The following SLC9B1 variants were observed in gnomAD, a reference collection of about 807,000 sequenced individuals.
SLC9B1 encodes sodium/hydrogen exchanger 9B1.
Under a neutral mutation model 51.7 loss-of-function variants are expected in SLC9B1, and 32 were observed. That is an observed-to-expected ratio of 0.62 (90% confidence interval 0.47 to 0.83). The LOEUF is 0.83. SLC9B1 is among the 40% of genes least tolerant of loss of function. The probability of loss-of-function intolerance (pLI) is 0.00; values close to 1 mark genes in which losing one functional copy is unlikely to be tolerated. For synonymous variants in SLC9B1, 145 were observed against 212.7 expected (o/e 0.68, Z 2.77); for missense variants, 406 against 613.2 (o/e 0.66, Z 3.57).
At chr4:102,906,030 G>C (rs1215130143) in intron 10 of SLC9B1, among the ~76,000 whole-genome samples, 1 of 152,044 alleles carries the variant, frequency 6.6e-6, no homozygotes, top group East Asian at 1.9e-4. Context: ...CCGACTCCCG[G>C]GTTCACGCGA....
intron 1 of SLC9B1, among the ~76,000 whole-genome samples, chr4:103,005,261 TAAAAA>T (rs111991015): frequency 7.4e-6 from 1 of 135,610 alleles, no homozygotes; most frequent in African/African-American, 2.6e-5. Flanking sequence ...CCAAGCAAAT[TAAAAA>T]AAAAAAAAAA....
At position 102,906,532 on chromosome 4, in the gene SLC9B1, T is replaced by C. The variant is rs778117260; in HGVS notation, c.1195+4A>G. ...CATATTTTTTGTGCTCTAATTATTC[T>C]TACCAACAATATTTGATTCAAGCGA... On this transcript the variant is annotated splice_donor_region_variant and intron_variant, in intron 10 of 11. Coordinates refer to ENST00000296422, the MANE Select transcript of SLC9B1 (RefSeq NM_139173.4). The C allele has an allele frequency of 4.9e-6, 7 of 1,443,210 alleles. No individual in the cohort carries two copies. The highest frequency in any genetic ancestry group is 6.6e-6 in the Non-Finnish European group (7 of 1,056,380). 89.4% of individuals were successfully genotyped at this position (1,443,210 alleles called of 1,614,324 possible). A position where few individuals can be genotyped will look rare whatever the true frequency, so the allele number is the denominator to read the frequency against.
chr4:103,015,954 C>T (rs1741295148), intron 1 of SLC9B1, among the ~76,000 whole-genome samples: 1 of 151,464 alleles, frequency 6.6e-6, no homozygotes, highest in African/African-American at 2.4e-5. Context: ...ATGGTAAAAC[C>T]CTATCTCTAC....
At chr4:102,979,989 G>GA (rs1056283799) in intron 3 of SLC9B1, among the ~76,000 whole-genome samples, 41 of 152,004 alleles carry the variant, frequency 2.7e-4, no homozygotes, top group African/African-American at 8.9e-4. Context: ...GCAAACGTAT[G>GA]AAAAAAAGCT....
chr4:102,922,607 T>C (rs1012288242), intron 7 of SLC9B1, among the ~76,000 whole-genome samples: 7 of 151,804 alleles, frequency 4.6e-5, no homozygotes. Context: ...AAAAAGTCAA[T>C]GAATCCAGGA....
chr4:102,944,981 A>G (rs1445054080), intron 6 of SLC9B1, among the ~76,000 whole-genome samples: 2 of 152,154 alleles, frequency 1.3e-5, no homozygotes, highest in African/African-American at 2.4e-5. Context: ...AATTTTCTTG[A>G]TGATAAACAT....
intron 3 of SLC9B1, among the ~76,000 whole-genome samples, chr4:102,972,929 C>T (rs1738840699): frequency 6.6e-6 from 1 of 152,018 alleles, no homozygotes; most frequent in Non-Finnish European, 1.5e-5. Flanking sequence ...CTTGTTAATT[C>T]AAGTACACAT....
intron 1 of SLC9B1, among the ~76,000 whole-genome samples, chr4:102,999,538 G>T (rs368358316): frequency 2.0e-5 from 3 of 152,054 alleles, no homozygotes; most frequent in Admixed American, 6.5e-5. Context: ...ATATAACATT[G>T]TCTAATACTA....
intron 1 of SLC9B1, among the ~76,000 whole-genome samples, chr4:102,992,500 A>G (rs981097788): frequency 2.6e-5 from 4 of 152,210 alleles, no homozygotes; most frequent in African/African-American, 4.8e-5. Flanking sequence ...TTTAATAATG[A>G]AAATTGTTAA....
At chr4:102,968,833 T>C (rs1289230427) in intron 3 of SLC9B1, among the ~76,000 whole-genome samples, 2 of 152,126 alleles carry the variant, frequency 1.3e-5, no homozygotes, top group Non-Finnish European at 2.9e-5. Context: ...CCCACCCTAA[T>C]ACTATGCTTT....
chr4:102,923,158 C>A (rs1057317889), intron 7 of SLC9B1, among the ~76,000 whole-genome samples: 2 of 152,110 alleles, frequency 1.3e-5, no homozygotes, highest in African/African-American at 4.8e-5. Context: ...ATACAAAAAT[C>A]CTCAATAAGA....
At chr4:102,973,264 T>C (rs569558117) in intron 3 of SLC9B1, among the ~76,000 whole-genome samples, 1 of 152,100 alleles carries the variant, frequency 6.6e-6, no homozygotes, top group Non-Finnish European at 1.5e-5. Flanking sequence ...AAATGATAAA[T>C]AAAACAAATA....
intron 3 of SLC9B1, among the ~76,000 whole-genome samples, chr4:102,979,144 T>C (rs1739224269): frequency 6.6e-6 from 1 of 152,210 alleles, no homozygotes; most frequent in South Asian, 2.1e-4. Flanking sequence ...AAAACCCTTC[T>C]CAAGTTCATT....
intron 6 of SLC9B1, among the ~76,000 whole-genome samples, chr4:102,934,668 A>G: frequency 6.6e-6 from 1 of 151,264 alleles, no homozygotes; most frequent in Admixed American, 6.6e-5. Context: ...TGGAAGGTTG[A>G]GGCAGGAGAA....
chr4:102,970,442 A>G (rs1479477173), intron 3 of SLC9B1, among the ~76,000 whole-genome samples: 1 of 152,238 alleles, frequency 6.6e-6, no homozygotes, highest in East Asian at 1.9e-4. Flanking sequence ...AAATGCTGAG[A>G]GATTTTGTTA....
At position 102,967,269 on chromosome 4, in the gene SLC9B1, T is replaced by C. The variant is rs1341602618; in HGVS notation, c.212-17842A>G. On this transcript the variant is annotated intron_variant, in intron 3 of 11. Transcript: ENST00000296422. ...ATGGCAATACAGTCTTTTTCTAGTCTGCTCCTTCAAACTTGTCCAACTTCT... is the reference window on the plus strand; with the variant it reads ...ATGGCAATACAGTCTTTTTCTAGTCCGCTCCTTCAAACTTGTCCAACTTCT... Among the ~76,000 whole-genome samples, 3 of 152,240 alleles carry C rather than the reference T, an allele frequency of 2.0e-5. No individual in the cohort carries two copies. In the East Asian group the frequency reaches 5.8e-4, roughly 29 times the overall value.
intron 1 of SLC9B1, among the ~76,000 whole-genome samples, chr4:103,016,428 A>T (rs1337317320): frequency 6.6e-6 from 1 of 152,112 alleles, no homozygotes; most frequent in Non-Finnish European, 1.5e-5. Context: ...TGAGATGTCT[A>T]TAGTACTACG....
chr4:102,885,173 T>C, exon 12 of SLC9B1: 2 of 1,493,440 alleles, frequency 1.3e-6, no homozygotes, highest in East Asian at 4.5e-5. Context: ...TTTTGAATTC[T>C]TTTCCAAGAG....
chr4:102,899,664 G>A (rs1211484196), downstream of SLC9B1, among the ~76,000 whole-genome samples: 2 of 151,880 alleles, frequency 1.3e-5, no homozygotes, highest in Admixed American at 6.6e-5. Context: ...TGCCCATGTC[G>A]GCCTCCCAAA....
Sources: allele counts gnomAD v4.1 joint callset (sites outside exome capture counted in the v4.1 genomes callset), GRCh38; gene constraint gnomAD v4.1.1; transcripts MANE v1.5; gene names NCBI Gene and HGNC (gene_info 2026-07-23, HGNC 2026-07-21).